COL27A1: variants seen among roughly 807,000 people sequenced by gnomAD.
COL27A1 encodes collagen type XXVII alpha 1 chain.
COL27A1 carries 106 observed loss-of-function variants against 251.3 expected under a neutral mutation model. The observed-to-expected ratio is 0.42, with a 90% CI of 0.36 to 0.50. The LOEUF (loss-of-function observed/expected upper bound fraction) is 0.50, where lower values mean the gene tolerates loss of function less well. Among genes scored for constraint, COL27A1 ranks in the 20% least tolerant of loss-of-function variants. The probability of loss-of-function intolerance (pLI) is 0.00; values close to 1 mark genes in which losing one functional copy is unlikely to be tolerated. For missense variants in COL27A1, 2,325 were observed against 2,522.8 expected, an observed-to-expected ratio of 0.92 and a Z score of 1.68; for synonymous variants, 1,000 against 986.3, an observed-to-expected ratio of 1.01 and a Z score of -0.26.
intron 23 of COL27A1, among the ~76,000 whole-genome samples, chr9:114,245,080 C>A (rs1382361385): frequency 1.3e-5 from 2 of 151,726 alleles, no homozygotes; most frequent in East Asian, 3.9e-4. Flanking sequence ...GACCCTGGTG[C>A]CCTGACGTCC....
intron 23 of COL27A1, among the ~76,000 whole-genome samples, chr9:114,245,435 G>A (rs547109713): frequency 2.6e-5 from 4 of 152,226 alleles, no homozygotes; most frequent in African/African-American, 7.2e-5. Flanking sequence ...GGGATTACAG[G>A]CGTGAGCCAC....
At chr9:114,185,549 TG>T (rs1438517668) in intron 5 of COL27A1, among the ~76,000 whole-genome samples, 39 of 152,208 alleles carry the variant, frequency 2.6e-4, no homozygotes, top group Admixed American at 7.2e-4. Flanking sequence ...CTGAGAAAGC[TG>T]TGTGTCTGCA....
At chr9:114,282,679 G>T in intron 39 of COL27A1, 115 bp downstream of exon 39, 1 of 659,786 alleles carries the variant, frequency 1.5e-6, no homozygotes, top group Non-Finnish European at 2.5e-6. Flanking sequence ...GCTATTAGCT[G>T]AACACCTGGT....
intron 3 of COL27A1, among the ~76,000 whole-genome samples, chr9:114,175,255 GC>G (rs1207652158): frequency 6.6e-6 from 1 of 152,216 alleles, no homozygotes; most frequent in Non-Finnish European, 1.5e-5. Flanking sequence ...CTCCCCCTCA[GC>G]TCCAGGCCCT....
intron 37 of COL27A1, among the ~76,000 whole-genome samples, chr9:114,279,111 A>G (rs1421611241): frequency 1.3e-5 from 2 of 152,148 alleles, no homozygotes; most frequent in African/African-American, 4.8e-5. Flanking sequence ...TCAGTCAGCC[A>G]TTGCCGCCAC....
chr9:114,210,894 C>T, intron 11 of COL27A1, 88 bp from the exon 12 acceptor site: 1 of 1,355,492 alleles, frequency 7.4e-7, no homozygotes, highest in Non-Finnish European at 1.1e-6. Context: ...TGACTTCCTG[C>T]CGTGGGTGGC....
chr9:114,166,658 C>G (rs571895721), intron 2 of COL27A1, among the ~76,000 whole-genome samples: 71 of 152,294 alleles, frequency 4.7e-4, no homozygotes, highest in South Asian at 1.2e-3. Context: ...CTTTTCCTTC[C>G]CTGCTGAGTC....
chr9:114,219,505 C>G (rs1830934959), intron 12 of COL27A1, among the ~76,000 whole-genome samples: 2 of 152,176 alleles, frequency 1.3e-5, no homozygotes, highest in Non-Finnish European at 2.9e-5. Flanking sequence ...CCCATTCCAT[C>G]AGGACCAGAT....
intron 1 of COL27A1, among the ~76,000 whole-genome samples, chr9:114,157,103 CAT>C (rs1491479469): frequency 0.076 from 10,092 of 133,418 alleles, 420 homozygotes; most frequent in South Asian, 0.14. Flanking sequence ...CACACACACA[CAT>C]ACGCGCGCGC....
chr9:114,182,443 G>GC (rs1412515984), intron 4 of COL27A1, among the ~76,000 whole-genome samples: 1 of 151,676 alleles, frequency 6.6e-6, no homozygotes, highest in African/African-American at 2.4e-5. Flanking sequence ...GGCACTTTGA[G>GC]CCAGGCCTGA....
At chr9:114,166,611 C>T (rs980311086) in intron 2 of COL27A1, among the ~76,000 whole-genome samples, 1 of 152,206 alleles carries the variant, frequency 6.6e-6, no homozygotes, top group Non-Finnish European at 1.5e-5. Context: ...GGGGAAGGGC[C>T]CTGAGGACCT....
chr9:114,199,216 C>T (rs1340749096), intron 7 of COL27A1, among the ~76,000 whole-genome samples: 1 of 152,148 alleles, frequency 6.6e-6, no homozygotes, highest in East Asian at 1.9e-4. Context: ...GAACAGTTGG[C>T]AGTGTCTGGA....
Position 114,282,567 on chromosome 9 carries a change from G to A in COL27A1, c.3879+3G>A. 6.6e-7 allele frequency: 1 copy of A among 1,504,602 alleles called. No individual in the cohort carries two copies. The highest frequency in any genetic ancestry group is 8.9e-7 in the Non-Finnish European group (1 of 1,127,116). 93.2% of individuals were successfully genotyped at this position (1,504,602 alleles called of 1,614,324 possible). A position where few individuals can be genotyped will look rare whatever the true frequency, so the allele number is the denominator to read the frequency against. On this transcript the variant is annotated splice_donor_region_variant and intron_variant, in intron 39 of 60. Coordinates refer to ENST00000356083, the MANE Select transcript of COL27A1 (RefSeq NM_032888.4). ...CCCGGGGCAGCCTGGGACCAACGGT[G>A]AGGACTCTCTGGCTGGGGTGGGGGA...
chr9:114,222,154 A>G, intron 13 of COL27A1, 69 bp from the exon 14 acceptor site: 1 of 1,393,196 alleles, frequency 7.2e-7, no homozygotes, highest in African/African-American at 1.4e-5. Flanking sequence ...TGTGTGGAGG[A>G]TGACATGGAG....
chr9:114,182,926 A>G, intron 4 of COL27A1, 96 bp from the exon 5 acceptor site: 1 of 1,057,222 alleles, frequency 9.5e-7, no homozygotes, highest in Non-Finnish European at 1.5e-6. Flanking sequence ...AAGATAAACC[A>G]GTGGGTGGAG....
intron 2 of COL27A1, among the ~76,000 whole-genome samples, chr9:114,164,457 G>A (rs1254673015): frequency 6.6e-6 from 1 of 152,208 alleles, no homozygotes; most frequent in African/African-American, 2.4e-5. Context: ...GACACCTGGA[G>A]ACTGCTGGTT....
intron 16 of COL27A1, among the ~76,000 whole-genome samples, chr9:114,234,673 G>A (rs1411568281): frequency 6.6e-6 from 1 of 152,164 alleles, no homozygotes; most frequent in East Asian, 1.9e-4. Flanking sequence ...CATCGTGTTA[G>A]AAGACAAACA....
chr9:114,156,182 C>T (rs1400636491), intron 1 of COL27A1, among the ~76,000 whole-genome samples, 170 bp downstream of exon 1: 1 of 151,784 alleles, frequency 6.6e-6, no homozygotes, highest in Admixed American at 6.5e-5. Flanking sequence ...GCGCCCCCGG[C>T]CGGGCGAGAG....
chr9:114,192,174 T>C (rs182743839), intron 5 of COL27A1, among the ~76,000 whole-genome samples: 113 of 152,318 alleles, frequency 7.4e-4, no homozygotes, highest in African/African-American at 2.5e-3. Flanking sequence ...AAGTCATCAT[T>C]TTGGGTCTCA....
Sources: gnomAD v4.1 joint callset for allele counts (sites outside exome capture counted in the v4.1 genomes callset) on GRCh38, gnomAD v4.1.1 for gene constraint, MANE v1.5 for transcripts, NCBI Gene and HGNC (gene_info 2026-07-23, HGNC 2026-07-21) for gene names.